The following DENND4A variants were observed in gnomAD, a reference collection of about 807,000 sequenced individuals.
DENND4A encodes C-myc promoter-binding protein.
In DENND4A, 70 loss-of-function variants were observed where a neutral mutation model predicts 199.3. The observed-to-expected ratio is 0.35, with a 90% CI of 0.29 to 0.43. DENND4A has a LOEUF of 0.43. Ranked by LOEUF, DENND4A falls within the 20% of genes least tolerant of loss-of-function variation. The pLI, the probability that DENND4A is intolerant of heterozygous loss-of-function variation, is 1.00. For synonymous variants in DENND4A, 686 were observed against 766.9 expected, an observed-to-expected ratio of 0.89 and a Z score of 1.74; for missense variants, 1,723 against 2,255.8, an observed-to-expected ratio of 0.76 and a Z score of 4.78.
At chr15:65,765,487 A>G (rs2076960721) in intron 1 of DENND4A, among the ~76,000 whole-genome samples, 1 of 152,232 alleles carries the variant, frequency 6.6e-6, no homozygotes, top group Non-Finnish European at 1.5e-5. Context: ...GAGAGCTGGT[A>G]TACCTTTCAC....
chr15:65,771,591 C>T (rs2077127678), intron 1 of DENND4A: 1 of 1,612,818 alleles, frequency 6.2e-7, no homozygotes, highest in African/African-American at 1.3e-5. Context: ...TCTCCTCTTT[C>T]CTCTTCTCTT....
intron 1 of DENND4A, among the ~76,000 whole-genome samples, chr15:65,775,304 C>T (rs2077253569): frequency 6.6e-6 from 1 of 151,774 alleles, no homozygotes; most frequent in African/African-American, 2.4e-5. Flanking sequence ...TATGATCACA[C>T]CACTGCACTC....
chr15:65,701,066 G>C lies in DENND4A; in HGVS notation c.2686C>G (p.Gln896Glu). 1 of 1,606,950 alleles carries C rather than the reference G, an allele frequency of 6.2e-7. No individual in the cohort carries two copies. The highest frequency in any genetic ancestry group is 8.5e-7 in the Non-Finnish European group (1 of 1,178,082). ...CATCCCTTACCTGAGAGAGTTGTTT[G>C]TGATAAGTGTGCATGCTTCTTTAAA... is the stretch of plus-strand genomic sequence containing the variant. ...RALKKHAHLS[Q>E]TTLSADGSDL... The change falls in exon 19 of 33, where the codon CAA (glutamine) becomes GAA (glutamate). Residue 896 changes from glutamine to glutamate, a missense_variant. By Grantham distance (29) the Gln-to-Glu change is conservative (BLOSUM62 2). This residue lies in a region of DENND4A where 650 missense variants were observed against 738.1 expected (regional missense o/e 0.88). Transcript: ENST00000443035.
At chr15:65,705,990 A>G in intron 15 of DENND4A, 101 bp downstream of exon 15, 1 of 1,372,582 alleles carries the variant, frequency 7.3e-7, no homozygotes, top group Non-Finnish European at 9.5e-7. Flanking sequence ...AGGGATCTGT[A>G]AAGTTTGGAT....
At chr15:65,780,486 TG>T (rs1231799971) in intron 1 of DENND4A, among the ~76,000 whole-genome samples, 2 of 152,216 alleles carry the variant, frequency 1.3e-5, no homozygotes, top group Non-Finnish European at 2.9e-5. Flanking sequence ...ATTTCAAATT[TG>T]TGACAGGACA....
At chr15:65,772,087 G>A (rs2077146861) in intron 1 of DENND4A, 6 of 1,025,034 alleles carry the variant, frequency 5.9e-6, no homozygotes, top group Non-Finnish European at 7.7e-6. Context: ...CCAGCATTCA[G>A]AGCCTCCTGG....
At chr15:65,679,741 C>G (rs910244780) in intron 23 of DENND4A, among the ~76,000 whole-genome samples, 3 of 151,748 alleles carry the variant, frequency 2.0e-5, no homozygotes, top group Non-Finnish European at 4.4e-5. Context: ...GTTACCCAGG[C>G]TAGTCTTGAA....
rs1198120489 is a variant in DENND4A, at chr15:65,664,624, C to A, written c.5458G>T (p.Val1820Phe). The part of the protein sequence containing the change: ...SMVKSIKMND[V>F]YGPMSQILET... ...AAAATCTGACTCATTGGTCCATAGA[C>A]ATCATTCATTTTAATGCTTTTTACC... The change falls in exon 31 of 33, where the codon GTC becomes TTC. Residue 1820 changes from valine to phenylalanine, a missense_variant. Physicochemically the swap from Val to Phe is conservative, Grantham distance 50. This residue lies in a region of DENND4A where 164 missense variants were observed against 280.1 expected (regional missense o/e 0.59). Transcript: ENST00000443035. 6.2e-7 allele frequency: 1 copy of A among 1,612,946 alleles called. No homozygotes were observed. Among genetic ancestry groups the A allele is most frequent in the Non-Finnish European group, 8.5e-7 (1 of 1,179,160 alleles).
At chr15:65,783,612 A>G (rs2077490816) in intron 1 of DENND4A, among the ~76,000 whole-genome samples, 1 of 152,180 alleles carries the variant, frequency 6.6e-6, no homozygotes, top group South Asian at 2.1e-4. Context: ...GGCTGATTCT[A>G]GGGCTGGGGC....
intron 1 of DENND4A, among the ~76,000 whole-genome samples, chr15:65,777,100 G>A (rs1029348905): frequency 4.6e-5 from 7 of 152,076 alleles, no homozygotes; most frequent in Admixed American, 1.3e-4. Context: ...CCCGGGAAGC[G>A]GAGGATGCAG....
intron 4 of DENND4A, among the ~76,000 whole-genome samples, chr15:65,750,621 T>C (rs1201360463): frequency 1.3e-5 from 2 of 152,198 alleles, no homozygotes; most frequent in African/African-American, 4.8e-5. Flanking sequence ...TTGTTAGCCC[T>C]GACAAAACAT....
Position 65,664,739 on chromosome 15 carries a change from G to C in DENND4A, c.5360-17C>G. The C allele has an allele frequency of 5.6e-6, 9 of 1,598,588 alleles. No homozygotes were observed. Among genetic ancestry groups the C allele is most frequent in the Non-Finnish European group, 7.7e-6 (9 of 1,172,520 alleles). ...ATTTTTGGGCTGTAAACGAACAAAA[G>C]AACAGATGAAGGAAAATGTTCTGTG... is the stretch of plus-strand genomic sequence containing the variant. On this transcript the variant is annotated splice_polypyrimidine_tract_variant and intron_variant, in intron 30 of 32. Coordinates refer to ENST00000443035, the MANE Select transcript of DENND4A (RefSeq NM_001320835.1).
At chr15:65,709,719 A>AAAAAAAAAAATATAT (rs1218030026) in intron 14 of DENND4A, among the ~76,000 whole-genome samples, 2 of 51,474 alleles carry the variant, frequency 3.9e-5, no homozygotes, top group African/African-American at 2.0e-4. Flanking sequence ...AAAAAAAAAA[A>AAAAAAAAAAATATAT]ATATATATAT....
intron 19 of DENND4A, 39 bp from the exon 20 acceptor site, chr15:65,700,714 A>T: frequency 6.8e-7 from 1 of 1,476,094 alleles, no homozygotes; most frequent in South Asian, 1.4e-5. Flanking sequence ...CTACTCGAAG[A>T]GGTAAATACA....
In DENND4A at chr15:65,720,058, T is replaced by C. The variant is rs147675383; in HGVS notation, c.1589-2062A>G. 1.0e-3 allele frequency among the ~76,000 whole-genome samples: 155 copies of C among 152,284 alleles called. 2 individuals carry two copies. Among genetic ancestry groups the C allele is most frequent in the African/African-American group, 3.6e-3 (149 of 41,566 alleles). On this transcript the variant is annotated intron_variant, in intron 12 of 32. Coordinates refer to ENST00000443035, the MANE Select transcript of DENND4A (RefSeq NM_001320835.1). ...GCAAATAAAGAGACTTGAAACTACATACAACACCTGATTTGGAACTGGATC... is the reference window on the plus strand; with the variant it reads ...GCAAATAAAGAGACTTGAAACTACACACAACACCTGATTTGGAACTGGATC...
At chr15:65,773,002 CAAAA>C (rs61241995) in intron 1 of DENND4A, among the ~76,000 whole-genome samples, 1 of 102,160 alleles carries the variant, frequency 9.8e-6, no homozygotes. Context: ...TGTTTCTAAG[CAAAA>C]AAAAAAAAAA....
At position 65,706,170 on chromosome 15, in the gene DENND4A, T is replaced by G. The variant is rs371866786; in HGVS notation, c.2008A>C (p.Lys670Gln). ...GTTACAAAAACAGTGTGTTCACTTT[T>G]GAAAGATTCATCCAGTTCTATAAGT... Reference protein sequence around the residue: ...VRLIELDESFKSEHTVFVTPP... With the variant: ...VRLIELDESFQSEHTVFVTPP... The change falls in exon 15 of 33, where the codon AAA becomes CAA. Residue 670 changes from lysine (K) to glutamine (Q), a missense_variant. Transcript: ENST00000443035. The G allele has an allele frequency of 1.1e-5, 17 of 1,607,016 alleles. No individual in the cohort carries two copies. The highest frequency in any genetic ancestry group is 1.4e-5 in the Non-Finnish European group (17 of 1,176,654).
chr15:65,770,429 T>TA (rs1485373530), intron 1 of DENND4A, among the ~76,000 whole-genome samples: 8 of 152,196 alleles, frequency 5.3e-5, no homozygotes, highest in Non-Finnish European at 1.0e-4. Context: ...CCTTTTAGTT[T>TA]ACTATTTATA....
chr15:65,690,477 CT>C lies in DENND4A; in HGVS notation c.4116del (p.Gly1373GlufsTer43). Reference protein sequence around the residue: ...VLRNSMFTAGKGVAEKASKWY... With the variant: ...VLRNSMFTAGXGVAEKASKWY... Reference sequence around the variant, plus strand: ...CATTTGCTTGCTTTCTCTGCAACTCCTTTTCCAGCAGTGAACATACTGTTTC... The same window carrying C: ...CATTTGCTTGCTTTCTCTGCAACTCCTTTCCAGCAGTGAACATACTGTTTC... On this transcript the variant is annotated frameshift_variant, in exon 23 of 33. Transcript: ENST00000443035. LOFTEE classifies it high-confidence loss of function. The C allele has an allele frequency of 6.2e-7, 1 of 1,609,412 alleles. No homozygotes were observed. Among genetic ancestry groups the C allele is most frequent in the Non-Finnish European group, 8.5e-7 (1 of 1,177,884 alleles).
Sources: gnomAD v4.1 joint callset for allele counts (sites outside exome capture counted in the v4.1 genomes callset) on GRCh38, gnomAD v4.1.1 for gene constraint, gnomAD v4.1.1 regional missense constraint, MANE v1.5 for transcripts, NCBI Gene and HGNC (gene_info 2026-07-23, HGNC 2026-07-21) for gene names.